Variants in DNAJC15 observed in about 807,000 individuals in gnomAD.
DNAJC15 encodes DnaJ heat shock protein family (Hsp40) member C15, also known as dnaJ homolog subfamily C member 15.
DNAJC15 carries 27 observed loss-of-function variants against 22.4 expected under a neutral mutation model. The ratio of observed to expected loss-of-function variants is 1.20; its 90% confidence interval spans 0.89 to 1.66. The LOEUF (loss-of-function observed/expected upper bound fraction) is 1.66. DNAJC15 is among the 40% of genes most tolerant of loss of function. DNAJC15 has a pLI of 0.00. For synonymous variants in DNAJC15, 79 were observed against 63.2 expected, an observed-to-expected ratio of 1.25 and a Z score of -1.19; for missense variants, 208 against 187.1, an observed-to-expected ratio of 1.11 and a Z score of -0.65.
At chr13:43,069,224 A>G (rs939835927) in intron 3 of DNAJC15, among the ~76,000 whole-genome samples, 1 of 152,056 alleles carries the variant, frequency 6.6e-6, no homozygotes, top group Non-Finnish European at 1.5e-5. Flanking sequence ...TTGACATCTA[A>G]TTATTATAAT....
intron 5 of DNAJC15, among the ~76,000 whole-genome samples, chr13:43,100,667 G>T (rs889081034): frequency 2.0e-5 from 3 of 152,094 alleles, no homozygotes; most frequent in Admixed American, 1.3e-4. Flanking sequence ...AACTTATTAA[G>T]GTTTGTTTTG....
chr13:43,064,314 G>A (rs2040572911), intron 1 of DNAJC15, among the ~76,000 whole-genome samples: 1 of 152,130 alleles, frequency 6.6e-6, no homozygotes, highest in African/African-American at 2.4e-5. Context: ...TGAAGGTTGG[G>A]ACTTTGATTT....
rs558103629 is a variant in DNAJC15 at position 43,107,574 on chromosome 13, A to G, written c.*326A>G. The G allele has an allele frequency of 1.0e-4, 17 of 169,612 alleles. No homozygotes were observed. The highest frequency in any genetic ancestry group is 1.5e-4 in the Non-Finnish European group (12 of 79,916). The allele number at this position is 169,612 out of a possible 1,614,324, so 10.5% of individuals were successfully genotyped here. ...ACACACACGTGCAAAAAATATGATC[A>G]AGAATGCAATTGGGATTTGTGAGCA... On this transcript the variant is annotated 3_prime_UTR_variant, in exon 6 of 6. Coordinates refer to ENST00000379221, the MANE Select transcript of DNAJC15 (RefSeq NM_013238.3).
intron 1 of DNAJC15, among the ~76,000 whole-genome samples, chr13:43,042,821 A>G (rs1163955128): frequency 3.3e-5 from 5 of 152,240 alleles, no homozygotes; most frequent in Non-Finnish European, 5.9e-5. Flanking sequence ...GATAAACTCC[A>G]TAGGTGTTAG....
chr13:43,066,370 C>G (rs928782793), intron 2 of DNAJC15, among the ~76,000 whole-genome samples: 3 of 151,942 alleles, frequency 2.0e-5, no homozygotes, highest in Admixed American at 2.0e-4. Context: ...CTCATGGACC[C>G]TTCCTCCATT....
rs1452665016 is a variant in DNAJC15, at chr13:43,059,467, C to T, written c.109-6219C>T. On this transcript the variant is annotated intron_variant, in intron 1 of 5. Transcript: ENST00000379221. Reference sequence around the variant, plus strand: ...CGGCTCACCGCTTCCCGGGTTCAAGCGATTCTCCTGTCTCAACCTCCCGAG... The same window carrying T: ...CGGCTCACCGCTTCCCGGGTTCAAGTGATTCTCCTGTCTCAACCTCCCGAG... Among the ~76,000 whole-genome samples the T allele has an allele frequency of 2.0e-5, 3 of 152,104 alleles. No homozygotes were observed. In the East Asian group the frequency reaches 5.8e-4, roughly 29 times the overall value.
chr13:43,023,829 C>T, intron 1 of DNAJC15, 95 bp downstream of exon 1: 8 of 1,167,794 alleles, frequency 6.9e-6, no homozygotes, highest in Middle Eastern at 1.9e-4. Flanking sequence ...TTTGTACTCC[C>T]CCGCATTCGC....
intron 5 of DNAJC15, among the ~76,000 whole-genome samples, chr13:43,090,011 CAT>C (rs779115069): frequency 1.3e-5 from 2 of 152,176 alleles, no homozygotes; most frequent in Non-Finnish European, 2.9e-5. Flanking sequence ...AAAAATGAAT[CAT>C]GTGATGCCAT....
intron 1 of DNAJC15, 58 bp downstream of exon 1, chr13:43,023,792 C>T (rs970415079): frequency 2.8e-6 from 4 of 1,448,428 alleles, no homozygotes; most frequent in South Asian, 1.2e-5. Flanking sequence ...TCTGCTTCAG[C>T]CCCCTCTACC....
intron 2 of DNAJC15, 141 bp downstream of exon 2, chr13:43,065,878 G>T: frequency 1.5e-6 from 1 of 687,360 alleles, no homozygotes; most frequent in South Asian, 2.4e-5. Context: ...ACCATTTGTA[G>T]TTACTGAACA....
At chr13:43,063,450 G>A (rs2040568906) in intron 1 of DNAJC15, among the ~76,000 whole-genome samples, 1 of 152,014 alleles carries the variant, frequency 6.6e-6, no homozygotes, top group African/African-American at 2.4e-5. Context: ...CTATACTGTT[G>A]GGATGCATCA....
At chr13:43,097,316 C>T (rs1048618588) in intron 5 of DNAJC15, among the ~76,000 whole-genome samples, 1 of 152,136 alleles carries the variant, frequency 6.6e-6, no homozygotes, top group African/African-American at 2.4e-5. Flanking sequence ...GAAACGAGAA[C>T]ATATGGTTTG....
At chr13:43,041,408 G>T (rs1438486459) in intron 1 of DNAJC15, among the ~76,000 whole-genome samples, 2 of 152,312 alleles carry the variant, frequency 1.3e-5, no homozygotes, top group Admixed American at 1.3e-4. Context: ...GCATCTCAAG[G>T]CAGAAGAATT....
At position 43,111,774 on chromosome 13, in the gene DNAJC15, T is replaced by G. The variant is rs559888204; in HGVS notation, c.*4526T>G. On this transcript the variant is annotated 3_prime_UTR_variant, in exon 6 of 6. Transcript: ENST00000379221. ...TGGAGGCTCCTGGCTGCAAGGAGGA[T>G]TTGATGGGAATGAGTAAATGTGTCA... The G allele has an allele frequency of 9.9e-5, 15 of 152,260 alleles. No individual in the cohort carries two copies. Among genetic ancestry groups the G allele is most frequent in the African/African-American group, 3.6e-4 (15 of 41,532 alleles). 9.4% of individuals were successfully genotyped at this position (152,260 alleles called of 1,614,324 possible). A position where few individuals can be genotyped will look rare whatever the true frequency, so the allele number is the denominator to read the frequency against.
intron 3 of DNAJC15, among the ~76,000 whole-genome samples, chr13:43,077,752 T>A (rs2040640878): frequency 6.6e-6 from 1 of 152,180 alleles, no homozygotes; most frequent in African/African-American, 2.4e-5. Flanking sequence ...CATAACAGTG[T>A]CCTCAACATC....
chr13:43,094,721 T>C (rs2040731296), intron 5 of DNAJC15, among the ~76,000 whole-genome samples: 1 of 152,160 alleles, frequency 6.6e-6, no homozygotes, highest in African/African-American at 2.4e-5. Flanking sequence ...AAACTTGCCT[T>C]TTTCAGTTGA....
chr13:43,046,764 G>C (rs2040479147), intron 1 of DNAJC15, among the ~76,000 whole-genome samples: 1 of 152,136 alleles, frequency 6.6e-6, no homozygotes, highest in East Asian at 1.9e-4. Flanking sequence ...GGTTCGAGCT[G>C]AGCTTTTGCT....
At chr13:43,100,704 G>A (rs554239440) in intron 5 of DNAJC15, among the ~76,000 whole-genome samples, 1 of 152,234 alleles carries the variant, frequency 6.6e-6, no homozygotes, top group East Asian at 1.9e-4. Context: ...CTGTCCTGGA[G>A]AATGTCCTCT....
intron 5 of DNAJC15, among the ~76,000 whole-genome samples, chr13:43,103,833 G>C (rs1279592628): frequency 1.3e-5 from 2 of 152,062 alleles, no homozygotes; most frequent in Admixed American, 1.3e-4. Flanking sequence ...GGTATATTCA[G>C]ATTTACAATT....
Sources: gnomAD v4.1 joint callset for allele counts (sites outside exome capture counted in the v4.1 genomes callset) on GRCh38, gnomAD v4.1.1 for gene constraint, MANE v1.5 for transcripts, NCBI Gene and HGNC (gene_info 2026-07-23, HGNC 2026-07-21) for gene names.